SLCO1C1: variants seen among roughly 807,000 people sequenced by gnomAD.
The protein encoded by SLCO1C1 is OAT-RP-5.
Under a neutral mutation model 76.4 loss-of-function variants are expected in SLCO1C1, and 70 were observed. The ratio of observed to expected loss-of-function variants is 0.92; its 90% CI spans 0.76 to 1.12. The LOEUF (loss-of-function observed/expected upper bound fraction) is 1.12. SLCO1C1 is among the 50% of genes most tolerant of loss of function. The probability of loss-of-function intolerance (pLI) is 0.00; values close to 1 mark genes in which losing one functional copy is unlikely to be tolerated. For missense variants in SLCO1C1, 912 were observed against 823.8 expected (o/e 1.11, Z -1.31); for synonymous variants, 306 against 286.1 (o/e 1.07, Z -0.70).
intron 6 of SLCO1C1, among the ~76,000 whole-genome samples, chr12:20,716,272 C>T (rs777791331): frequency 6.6e-6 from 1 of 152,156 alleles, no homozygotes. Context: ...CACTTCATCA[C>T]CTGCACTAGG....
At chr12:20,750,907 T>A (rs1949272438) in intron 14 of SLCO1C1, 115 bp downstream of exon 14, 6 of 1,595,668 alleles carry the variant, frequency 3.8e-6, no homozygotes, top group Non-Finnish European at 5.2e-6. Flanking sequence ...TAAAGAATAG[T>A]CTAATCAAAA....
chr12:20,745,217 A>T (rs1554152), intron 13 of SLCO1C1, among the ~76,000 whole-genome samples: 66,187 of 151,960 alleles, frequency 0.44, 17,136 homozygotes, highest in South Asian at 0.63. Flanking sequence ...TTTTTATATG[A>T]TTGTTAAATC....
At chr12:20,718,203 A>G (rs571052054) in intron 7 of SLCO1C1, among the ~76,000 whole-genome samples, 1 of 152,280 alleles carries the variant, frequency 6.6e-6, no homozygotes, top group African/African-American at 2.4e-5. Flanking sequence ...ACAGAGGAAA[A>G]TTGTTAAGGG....
At position 20,721,947 on chromosome 12, in the gene SLCO1C1, G is replaced by A. The variant is rs1947696303; in HGVS notation, c.919G>A (p.Asp307Asn). ...TTTACCAAGATCCCAAAGTAGAGAG[G>A]ATTCTAATTCTTCCTCTGAGAAATC... is the stretch of plus-strand genomic sequence containing the variant. ...KSLPRSQSRE[D>N]SNSSSEKSKF... The change falls in exon 8 of 15, where the codon GAT (aspartate) becomes AAT (asparagine). Residue 307 changes from aspartate (D) to asparagine (N), a missense_variant. Transcript: ENST00000266509. The A allele has an allele frequency of 2.5e-6, 4 of 1,614,090 alleles. No homozygotes were observed. The highest frequency in any genetic ancestry group is 4.5e-5 in the East Asian group (2 of 44,864).
intron 4 of SLCO1C1, 145 bp from the exon 5 acceptor site, chr12:20,711,241 T>C: frequency 1.1e-6 from 1 of 891,462 alleles, no homozygotes; most frequent in Non-Finnish European, 1.6e-6. Flanking sequence ...AAATCTGCTG[T>C]TAAACACTGG....
intron 6 of SLCO1C1, 21 bp from the exon 7 acceptor site, chr12:20,717,111 C>A: frequency 6.6e-7 from 1 of 1,508,118 alleles, no homozygotes. Flanking sequence ...TTTTTTTTTT[C>A]CTTTTCTTTT....
chr12:20,703,355 T>C (rs904702240), intron 3 of SLCO1C1, among the ~76,000 whole-genome samples: 1 of 151,890 alleles, frequency 6.6e-6, no homozygotes, highest in Non-Finnish European at 1.5e-5. Context: ...TGTGGACAAA[T>C]TGTCTAAAAC....
In SLCO1C1 at chr12:20,717,126, G is replaced by A; in HGVS notation, c.677-6G>A. ...TTTTTTTTTTCCTTTTCTTTTCTTG[G>A]TGCAGGGTGTGTGCAGACGGTTGCA... On this transcript the variant is annotated splice_region_variant and splice_polypyrimidine_tract_variant and intron_variant, in intron 6 of 14. Transcript: ENST00000266509. The A allele has an allele frequency of 2.5e-6, 4 of 1,593,538 alleles. No homozygotes were observed. Among genetic ancestry groups the A allele is most frequent in the Non-Finnish European group, 3.4e-6 (4 of 1,172,476 alleles).
At position 20,746,635 on chromosome 12, in the gene SLCO1C1, T is replaced by C. The variant is rs371243447; in HGVS notation, c.1798+3266T>C. 1.4e-3 allele frequency among the ~76,000 whole-genome samples: 208 copies of C among 152,306 alleles called. 7 individuals are homozygous for C. The South Asian group carries it at 0.042, about 31-fold the overall frequency. On this transcript the variant is annotated intron_variant, in intron 13 of 14. Coordinates refer to ENST00000266509, the MANE Select transcript of SLCO1C1 (RefSeq NM_017435.5). ...TGGCAACTAGGTAGCATGTGCCTTC[T>C]AACTGGGACAGAATAAAAAAATACA...
chr12:20,712,707 T>G (rs1947174092), intron 5 of SLCO1C1, among the ~76,000 whole-genome samples: 1 of 152,188 alleles, frequency 6.6e-6, no homozygotes, highest in African/African-American at 2.4e-5. Flanking sequence ...ATATTCTCAT[T>G]AGTACATTCT....
chr12:20,740,247 G>T lies in SLCO1C1; in HGVS notation c.1612G>T (p.Val538Leu). The stretch of plus-strand genomic sequence containing the variant: ...TAAATCCGGAAATTCCTCAGGCATA[G>T]TGGGAAGATGTCAGAAAGACAATGG... ...ASKSGNSSGI[V>L]GRCQKDNGCP... The change falls in exon 12 of 15, where the codon GTG becomes TTG. Residue 538 changes from valine (V) to leucine (L), a missense_variant. Transcript: ENST00000266509. 6.2e-7 allele frequency: 1 copy of T among 1,613,944 alleles called. No homozygotes were observed. Among genetic ancestry groups the T allele is most frequent in the Non-Finnish European group, 8.5e-7 (1 of 1,179,926 alleles).
intron 9 of SLCO1C1, among the ~76,000 whole-genome samples, chr12:20,727,761 G>A (rs1455134243): frequency 2.0e-5 from 3 of 152,226 alleles, no homozygotes; most frequent in South Asian, 2.1e-4. Flanking sequence ...TGCCCGCCTC[G>A]GCCTCCCAAA....
chr12:20,713,281 T>G (rs12813306), intron 5 of SLCO1C1, among the ~76,000 whole-genome samples: 24,876 of 151,544 alleles, frequency 0.16, 2,686 homozygotes, highest in Non-Finnish European at 0.24. Context: ...GGGTTTCACC[T>G]TGTTAGCCAG....
At chr12:20,744,335 C>A (rs919795785) in intron 13 of SLCO1C1, among the ~76,000 whole-genome samples, 2 of 151,914 alleles carry the variant, frequency 1.3e-5, no homozygotes, top group Non-Finnish European at 2.9e-5. Flanking sequence ...AAATGATTTA[C>A]AAAACTGATT....
chr12:20,713,228 C>T (rs941465244), intron 5 of SLCO1C1, among the ~76,000 whole-genome samples: 5 of 151,516 alleles, frequency 3.3e-5, no homozygotes, highest in East Asian at 1.9e-4. Context: ...TACAGGCGCC[C>T]GCTACCACGC....
At chr12:20,703,971 G>GTGT (rs1177657937) in intron 3 of SLCO1C1, among the ~76,000 whole-genome samples, 1 of 144,850 alleles carries the variant, frequency 6.9e-6, no homozygotes, top group African/African-American at 2.5e-5. Flanking sequence ...GTGTGTGTGT[G>GTGT]TGTGTGTGTG....
intron 9 of SLCO1C1, among the ~76,000 whole-genome samples, chr12:20,731,327 T>C (rs750795082): frequency 3.9e-5 from 6 of 152,216 alleles, no homozygotes; most frequent in Admixed American, 6.5e-5. Context: ...CCAAAGACCA[T>C]TGTATGTTGA....
chr12:20,740,781 T>TA (rs1555138845), intron 12 of SLCO1C1, among the ~76,000 whole-genome samples: 1 of 16,802 alleles, frequency 6.0e-5, no homozygotes, highest in Non-Finnish European at 1.6e-4. Context: ...TTAGAATTTA[T>TA]TTTATTTATA....
rs1946234874 is a variant in SLCO1C1, at chr12:20,695,652, CTCTGCTTGTG to C, written c.-178_-169del. The stretch of plus-strand genomic sequence containing the variant: ...TTCATCTTTTCTTTTCCCTAATCTC[CTCTGCTTGTG>C]TCCACCCACACTCTCCCCACCTGGC... On this transcript the variant is annotated 5_prime_UTR_variant, in exon 1 of 15. Transcript: ENST00000266509. 6.6e-6 allele frequency: 1 copy of C among 151,952 alleles called. No individual in the cohort carries two copies. Among genetic ancestry groups the C allele is most frequent in the Non-Finnish European group, 1.5e-5 (1 of 68,008 alleles). The allele number at this position is 151,952 out of a possible 1,614,324, so 9.4% of individuals were successfully genotyped here.
Sources: allele counts gnomAD v4.1 joint callset (sites outside exome capture counted in the v4.1 genomes callset), GRCh38; gene constraint gnomAD v4.1.1; transcripts MANE v1.5; gene names NCBI Gene and HGNC (gene_info 2026-07-23, HGNC 2026-07-21).